POLI: variants seen among roughly 807,000 people sequenced by gnomAD.
The protein encoded by POLI is DNA polymerase iota.
Under a neutral mutation model 51.6 loss-of-function variants are expected in POLI, and 58 were observed. The ratio of observed to expected loss-of-function variants is 1.12; its 90% CI spans 0.91 to 1.40. The LOEUF (loss-of-function observed/expected upper bound fraction) is 1.40. POLI is among the 40% of genes most tolerant of loss of function. The probability of loss-of-function intolerance (pLI) is 0.00; values close to 1 mark genes in which losing one functional copy is unlikely to be tolerated. For missense variants in POLI, 921 were observed against 871.3 expected, an observed-to-expected ratio of 1.06 and a Z score of -0.72; for synonymous variants, 322 against 299.7, an observed-to-expected ratio of 1.07 and a Z score of -0.77.
Position 54,295,885 on chromosome 18 carries a change from C to G in POLI, c.*1418C>G, listed in dbSNP as rs575738240. 1.0e-5 allele frequency: 9 copies of G among 890,402 alleles called. No individual in the cohort carries two copies. The Admixed American group carries it at 2.5e-4, about 24-fold the overall frequency. The allele number at this position is 890,402 out of a possible 1,614,324, so 55.2% of individuals were successfully genotyped here. On this transcript the variant is annotated 3_prime_UTR_variant, in exon 10 of 10. Transcript: ENST00000579534. ...TCAGGTGATCCTCCACCTTGGCCTC[C>G]CAAAGTGCTGGGATTACAGGTGTGA...
chr18:54,303,074 T>C (rs1428751089), downstream of POLI, among the ~76,000 whole-genome samples: 1 of 152,204 alleles, frequency 6.6e-6, no homozygotes, highest in Non-Finnish European at 1.5e-5. Flanking sequence ...TAATGATGTA[T>C]TGCTATTTGA....
chr18:54,299,788 G>T (rs2088460739), downstream of POLI, among the ~76,000 whole-genome samples: 1 of 151,992 alleles, frequency 6.6e-6, no homozygotes, highest in South Asian at 2.1e-4. Context: ...CAAATCCCAG[G>T]TACAATAAAC....
At chr18:54,306,404 C>T (rs2088586327) in intron 3 of POLI, among the ~76,000 whole-genome samples, 1 of 152,122 alleles carries the variant, frequency 6.6e-6, no homozygotes, top group South Asian at 2.1e-4. Flanking sequence ...TTGAGCCAGC[C>T]TTGTATCCCA....
chr18:54,301,464 C>G (rs79210621), downstream of POLI, among the ~76,000 whole-genome samples: 901 of 152,236 alleles, frequency 5.9e-3, 6 homozygotes, highest in African/African-American at 0.019. Flanking sequence ...TACAATAGTT[C>G]AACTTAAAAA....
intron 8 of POLI, among the ~76,000 whole-genome samples, chr18:54,290,357 A>G (rs1378212679): frequency 6.6e-6 from 1 of 152,242 alleles, no homozygotes; most frequent in Non-Finnish European, 1.5e-5. Flanking sequence ...GTGGAGAAAT[A>G]GGAACACTTT....
At chr18:54,290,642 T>C (rs1403275330) in intron 8 of POLI, among the ~76,000 whole-genome samples, 2 of 152,176 alleles carry the variant, frequency 1.3e-5, no homozygotes, top group South Asian at 2.1e-4. Flanking sequence ...TGGAATACTA[T>C]GCAGCCATAA....
intron 3 of POLI, among the ~76,000 whole-genome samples, chr18:54,307,884 C>G (rs2144640509): frequency 6.7e-6 from 1 of 148,440 alleles, no homozygotes; most frequent in Middle Eastern, 3.5e-3. Context: ...TCTGTTTTAT[C>G]AGAGACTAGG....
At chr18:54,300,655 T>C (rs569981674), downstream of POLI, among the ~76,000 whole-genome samples, 2 of 152,160 alleles carry the variant, frequency 1.3e-5, no homozygotes, top group Admixed American at 1.3e-4. Flanking sequence ...AAAACCTCAA[T>C]TAAAGGGCAG....
chr18:54,306,373 A>G (rs2088585782), intron 3 of POLI, among the ~76,000 whole-genome samples: 1 of 152,202 alleles, frequency 6.6e-6, no homozygotes, highest in Admixed American at 6.5e-5. Flanking sequence ...GTGATGGATT[A>G]TGTTTATTGA....
chr18:54,307,597 G>A (rs1181874425), intron 3 of POLI, among the ~76,000 whole-genome samples: 3 of 152,146 alleles, frequency 2.0e-5, no homozygotes, highest in African/African-American at 7.2e-5. Flanking sequence ...ATGTTTATTA[G>A]GTCTGCTTGG....
At chr18:54,293,103 C>T (rs950891183) in intron 9 of POLI, among the ~76,000 whole-genome samples, 1 of 151,830 alleles carries the variant, frequency 6.6e-6, no homozygotes, top group South Asian at 2.1e-4. Flanking sequence ...AAATGAAAAA[C>T]TGTATAGAAA....
chr18:54,294,401 A>G lies in POLI; in HGVS notation c.2157A>G (p.Ala719=). Residue 719 remains alanine, a synonymous_variant, in exon 10 of 10, where the codon GCA becomes GCG. Transcript: ENST00000579534. ...AAGTTTTCTATGAACTACCAGAAGC[A>G]GTACAAAAGGAACTGCTGGCAGAGT... ...DPQVFYELPE[A]VQKELLAEWK... 1 of 1,613,112 alleles carries G rather than the reference A, an allele frequency of 6.2e-7. No homozygotes were observed. Among genetic ancestry groups the G allele is most frequent in the Non-Finnish European group, 8.5e-7 (1 of 1,179,490 alleles).
At chr18:54,271,085 C>CT (rs2086983558) in intron 1 of POLI, 1 of 251,078 alleles carries the variant, frequency 4.0e-6, no homozygotes, top group African/African-American at 2.2e-5. Flanking sequence ...AGTATTAGCT[C>CT]TTTCATCATC....
At chr18:54,300,581 G>T (rs1369483398), downstream of POLI, among the ~76,000 whole-genome samples, 2 of 151,986 alleles carry the variant, frequency 1.3e-5, no homozygotes, top group African/African-American at 4.8e-5. Context: ...GGGGAAAATA[G>T]AAAACAAATA....
In POLI at chr18:54,283,122, T is replaced by G. The variant is rs375723778; in HGVS notation, c.975+107T>G. ...TTACTATTCTAGTTTGCTTAGTATG[T>G]GATCCCTTTCCTATTAGAAGGCTGA... On this transcript the variant is annotated intron_variant, in intron 6 of 9. Coordinates refer to ENST00000579534, the MANE Select transcript of POLI (RefSeq NM_007195.3). The G allele has an allele frequency of 1.8e-3, 1,112 of 626,230 alleles. 20 individuals are homozygous for G. In the South Asian group the frequency reaches 0.025, roughly 14 times the overall value. 38.8% of individuals were successfully genotyped at this position (626,230 alleles called of 1,614,324 possible). A position where few individuals can be genotyped will look rare whatever the true frequency, so the allele number is the denominator to read the frequency against.
chr18:54,301,220 A>G (rs896864511), downstream of POLI, among the ~76,000 whole-genome samples: 1 of 152,188 alleles, frequency 6.6e-6, no homozygotes, highest in Non-Finnish European at 1.5e-5. Flanking sequence ...TGGAGGTTGC[A>G]GTGAGCTGAG....
At position 54,319,639 on chromosome 18, in the gene POLI, T is replaced by G. The variant is rs373103363; in HGVS notation, c.334-634T>G. ...ATTACTTACCTTTAAACCTTTCCGT[T>G]TTGTGGGATTGTTATTATTATATAT... On this transcript the variant is annotated intron_variant, in intron 3 of 4. Transcript: ENST00000579823. 2.0e-5 allele frequency among the ~76,000 whole-genome samples: 3 copies of G among 151,232 alleles called. No homozygotes were observed. In the East Asian group the frequency reaches 5.8e-4, roughly 29 times the overall value.
Position 54,294,313 on chromosome 18 carries a change from C to T in POLI, c.2069C>T (p.Thr690Ile). 1.2e-6 allele frequency: 2 copies of T among 1,613,490 alleles called. No individual in the cohort carries two copies. The highest frequency in any genetic ancestry group is 1.7e-6 in the Non-Finnish European group (2 of 1,179,554). ...GCAACAGACTCTCATGAAGGACTTA[C>T]AGAAAATAGAGAGCCAGATTCTGTT... Reference protein sequence around the residue: ...TVATDSHEGLTENREPDSVDE... With the variant: ...TVATDSHEGLIENREPDSVDE... Residue 690 changes from threonine (T) to isoleucine (I), a missense_variant, in exon 10 of 10, where the codon ACA becomes ATA. Physicochemically the swap from Thr to Ile is moderately conservative, Grantham distance 89. Transcript: ENST00000579534.
At position 54,277,846 on chromosome 18, in the gene POLI, A is replaced by T; in HGVS notation, c.550A>T (p.Asn184Tyr). 1 of 1,610,226 alleles carries T rather than the reference A, an allele frequency of 6.2e-7. No individual in the cohort carries two copies. The highest frequency in any genetic ancestry group is 8.5e-7 in the Non-Finnish European group (1 of 1,177,722). ...GGTGACTGTGTCGGGTCATGTATACAATAATCAGTGTGAGTGGGTTCTTAT... is the reference window on the plus strand; with the variant it reads ...GGTGACTGTGTCGGGTCATGTATACTATAATCAGTGTGAGTGGGTTCTTAT... ...SAVTVSGHVY[N>Y]NQSINLLDVL... The change falls in exon 4 of 10, where the codon AAT becomes TAT. Residue 184 changes from asparagine (N) to tyrosine (Y), a missense_variant. Physicochemically the swap from Asn to Tyr is moderately radical, Grantham distance 143. Coordinates refer to ENST00000579534, the MANE Select transcript of POLI (RefSeq NM_007195.3).
Sources: allele counts gnomAD v4.1 joint callset (sites outside exome capture counted in the v4.1 genomes callset), GRCh38; gene constraint gnomAD v4.1.1; transcripts MANE v1.5; gene names NCBI Gene and HGNC (gene_info 2026-07-23, HGNC 2026-07-21).